IMMP2L: variants seen among roughly 807,000 people sequenced by gnomAD.
IMMP2L encodes the protein inner mitochondrial membrane peptidase subunit 2.
IMMP2L carries 18 observed loss-of-function variants against 19.3 expected under a neutral mutation model. The ratio of observed to expected loss-of-function variants is 0.93; its 90% CI spans 0.64 to 1.38. IMMP2L has a LOEUF of 1.38. Among genes scored for constraint, IMMP2L ranks in the 40% most tolerant of loss-of-function variants. IMMP2L has a pLI of 0.00. For missense variants in IMMP2L, 233 were observed against 218.2 expected (o/e 1.07, Z -0.43); for synonymous variants, 76 against 73.0 (o/e 1.04, Z -0.21).
chr7:111,517,111 A>AT (rs147164173), intron 2 of IMMP2L, among the ~76,000 whole-genome samples: 3,433 of 152,130 alleles, frequency 0.023, 140 homozygotes, highest in African/African-American at 0.078. Flanking sequence ...GTAGGTTAAA[A>AT]TTTTTTAAAA....
intron 5 of IMMP2L, among the ~76,000 whole-genome samples, chr7:110,769,972 G>C (rs1003922572): frequency 6.6e-6 from 1 of 152,046 alleles, no homozygotes; most frequent in Non-Finnish European, 1.5e-5. Context: ...GTTTCATAAT[G>C]GGTCGCCCTT....
At chr7:110,830,499 C>G (rs1171964909) in intron 5 of IMMP2L, among the ~76,000 whole-genome samples, 1 of 152,052 alleles carries the variant, frequency 6.6e-6, no homozygotes, top group Admixed American at 6.6e-5. Flanking sequence ...CATACACAAC[C>G]CTGTACTGTA....
At chr7:111,195,937 G>C (rs779020542) in intron 3 of IMMP2L, among the ~76,000 whole-genome samples, 3 of 151,234 alleles carry the variant, frequency 2.0e-5, no homozygotes. Flanking sequence ...CACAATCACG[G>C]CTCACTGCAC....
chr7:111,346,209 T>C (rs1827546480), intron 3 of IMMP2L, among the ~76,000 whole-genome samples: 1 of 152,124 alleles, frequency 6.6e-6, no homozygotes, highest in Non-Finnish European at 1.5e-5. Flanking sequence ...ATCACCAACT[T>C]ATAAATGAAG....
chr7:111,060,573 C>T (rs921586100), intron 3 of IMMP2L, among the ~76,000 whole-genome samples: 2 of 152,176 alleles, frequency 1.3e-5, no homozygotes, highest in African/African-American at 4.8e-5. Flanking sequence ...CCAGGACTTA[C>T]TGGTTGTTAA....
intron 5 of IMMP2L, among the ~76,000 whole-genome samples, chr7:110,807,731 G>A (rs1278973735): frequency 1.3e-5 from 2 of 152,036 alleles, no homozygotes; most frequent in Admixed American, 6.6e-5. Flanking sequence ...CTTCATTAGT[G>A]TTATAGTTAT....
intron 3 of IMMP2L, among the ~76,000 whole-genome samples, chr7:111,255,012 C>G (rs1221540957): frequency 6.6e-6 from 1 of 151,980 alleles, no homozygotes; most frequent in Admixed American, 6.6e-5. Flanking sequence ...AATATAACTA[C>G]TTTAAATTTT....
chr7:111,165,551 T>C (rs1165144276), intron 3 of IMMP2L, among the ~76,000 whole-genome samples: 3 of 152,088 alleles, frequency 2.0e-5, no homozygotes, highest in African/African-American at 4.8e-5. Context: ...TATTTTACTA[T>C]TTTAACTGAT....
intron 3 of IMMP2L, among the ~76,000 whole-genome samples, chr7:111,039,512 A>G (rs1443763485): frequency 6.6e-6 from 1 of 152,180 alleles, no homozygotes; most frequent in Non-Finnish European, 1.5e-5. Flanking sequence ...CCTGGAAAAT[A>G]AAAAACTAAA....
At chr7:111,330,375 T>C (rs1288240095) in intron 3 of IMMP2L, among the ~76,000 whole-genome samples, 2 of 151,776 alleles carry the variant, frequency 1.3e-5, no homozygotes, top group African/African-American at 2.4e-5. Flanking sequence ...ATACAATTTA[T>C]ATATAAATGG....
intron 1 of IMMP2L, among the ~76,000 whole-genome samples, chr7:111,540,411 G>A (rs1344415076): frequency 6.6e-6 from 1 of 152,192 alleles, no homozygotes; most frequent in Admixed American, 6.5e-5. Flanking sequence ...GGAAACACTT[G>A]CAATCAAGTC....
intron 4 of IMMP2L, among the ~76,000 whole-genome samples, chr7:110,887,600 A>T (rs946732149): frequency 6.6e-6 from 1 of 152,044 alleles, no homozygotes; most frequent in African/African-American, 2.4e-5. Flanking sequence ...GCAAAAAAAA[A>T]AAAAATAATT....
At chr7:110,957,194 C>T (rs1442487396) in intron 4 of IMMP2L, among the ~76,000 whole-genome samples, 1 of 151,898 alleles carries the variant, frequency 6.6e-6, no homozygotes, top group Non-Finnish European at 1.5e-5. Context: ...CCTCCCCAGT[C>T]TCATCTTTTA....
At chr7:110,733,300 G>A (rs1796395436) in intron 5 of IMMP2L, among the ~76,000 whole-genome samples, 1 of 152,154 alleles carries the variant, frequency 6.6e-6, no homozygotes, top group Admixed American at 6.5e-5. Context: ...GTTATCACAT[G>A]TAGAATTTAT....
chr7:111,338,138 G>A (rs1268000754), intron 3 of IMMP2L, among the ~76,000 whole-genome samples: 1 of 152,132 alleles, frequency 6.6e-6, no homozygotes, highest in Non-Finnish European at 1.5e-5. Flanking sequence ...AACTATGGTA[G>A]AGAAGAGAAA....
intron 3 of IMMP2L, among the ~76,000 whole-genome samples, chr7:111,105,328 A>C (rs1798425532): frequency 6.6e-6 from 1 of 151,898 alleles, no homozygotes; most frequent in Non-Finnish European, 1.5e-5. Context: ...ATCATGTATA[A>C]AACTCAGAAA....
rs537281928 is a variant in IMMP2L at position 111,041,819 on chromosome 7, G to C, written c.240-78254C>G. ...CAGGTGTCCCGCATATAGTACATAG[G>C]GATATGAGGCAATCTAGTGTAGTTA... is the stretch of plus-strand genomic sequence containing the variant. On this transcript the variant is annotated intron_variant, in intron 3 of 5. Coordinates refer to ENST00000405709, the MANE Select transcript of IMMP2L (RefSeq NM_032549.4). Among the ~76,000 whole-genome samples, 62 of 152,250 alleles carry C rather than the reference G, an allele frequency of 4.1e-4. 1 individual carries two copies. The Middle Eastern group carries it at 0.01, about 25-fold the overall frequency.
At chr7:111,456,088 C>T (rs1728079756) in intron 3 of IMMP2L, among the ~76,000 whole-genome samples, 1 of 151,316 alleles carries the variant, frequency 6.6e-6, no homozygotes. Flanking sequence ...TAGAATAATC[C>T]ACACAGACTG....
At chr7:111,016,031 T>C (rs1034565080) in intron 3 of IMMP2L, among the ~76,000 whole-genome samples, 4 of 152,100 alleles carry the variant, frequency 2.6e-5, no homozygotes, top group Non-Finnish European at 4.4e-5. Context: ...GCACTAATAA[T>C]GTTATGCTAA....
Sources: allele counts gnomAD v4.1 joint callset (sites outside exome capture counted in the v4.1 genomes callset), GRCh38; gene constraint gnomAD v4.1.1; transcripts MANE v1.5; gene names NCBI Gene and HGNC (gene_info 2026-07-23, HGNC 2026-07-21).